SNAP91: variants seen among roughly 807,000 people sequenced by gnomAD.
SNAP91 encodes synaptosome associated protein 91.
A neutral mutation model predicts 100.3 loss-of-function variants in SNAP91; 27 were observed. The observed-to-expected ratio is 0.27, with a 90% CI of 0.20 to 0.37. The LOEUF (loss-of-function observed/expected upper bound fraction) is 0.37. SNAP91 is among the 10% of genes least tolerant of loss of function. The pLI is 1.00. For synonymous variants in SNAP91, 404 were observed against 398.6 expected (o/e 1.01, Z -0.16); for missense variants, 986 against 1,123.7 (o/e 0.88, Z 1.75).
At chr6:83,690,408 A>C (rs1470209546) in intron 2 of SNAP91, 1 of 1,288,646 alleles carries the variant, frequency 7.8e-7, no homozygotes, top group African/African-American at 1.5e-5. Flanking sequence ...CAAAATTAGG[A>C]AGCACTTGTT....
intron 26 of SNAP91, among the ~76,000 whole-genome samples, chr6:83,562,242 T>C (rs1789025136): frequency 6.6e-6 from 1 of 152,104 alleles, no homozygotes; most frequent in Non-Finnish European, 1.5e-5. Flanking sequence ...AAAAGAAAAC[T>C]ACAGCGCGAT....
At chr6:83,582,891 T>G (rs537060982) in intron 22 of SNAP91, among the ~76,000 whole-genome samples, 39 of 152,080 alleles carry the variant, frequency 2.6e-4, no homozygotes, top group Admixed American at 3.3e-4. Context: ...AGTCACGGAG[T>G]GGGATGGCAT....
At chr6:83,603,766 C>A (rs1423074038) in intron 14 of SNAP91, among the ~76,000 whole-genome samples, 1 of 152,150 alleles carries the variant, frequency 6.6e-6, no homozygotes, top group Non-Finnish European at 1.5e-5. Flanking sequence ...GCCCCCTTGC[C>A]CTGCCTTTGA....
At chr6:83,655,582 T>C (rs1485327102) in intron 7 of SNAP91, among the ~76,000 whole-genome samples, 12 of 152,218 alleles carry the variant, frequency 7.9e-5, no homozygotes, top group Admixed American at 7.9e-4. Flanking sequence ...TCAGTTTACC[T>C]TGGTTTATTT....
At chr6:83,556,039 A>G in intron 29 of SNAP91, 104 bp downstream of exon 29, 1 of 580,422 alleles carries the variant, frequency 1.7e-6, no homozygotes. Flanking sequence ...TATTACTATT[A>G]TACACAGCTA....
intron 16 of SNAP91, among the ~76,000 whole-genome samples, chr6:83,595,660 A>C (rs929896015): frequency 1.3e-5 from 2 of 152,044 alleles, no homozygotes; most frequent in Non-Finnish European, 2.9e-5. Flanking sequence ...ATCCCCAAAT[A>C]CTGTCTTCCG....
rs145671493 is a variant in SNAP91, at chr6:83,678,467, A to G, written c.131-12886T>C. On this transcript the variant is annotated intron_variant, in intron 2 of 29. Coordinates refer to ENST00000369694, the MANE Select transcript of SNAP91 (RefSeq NM_001242792.2). ...ACAGCGTTTCATAAATGGGACTCAAAAAGCAGACACAAGGCATCAGTTTTC... is the reference window on the plus strand; with the variant it reads ...ACAGCGTTTCATAAATGGGACTCAAGAAGCAGACACAAGGCATCAGTTTTC... Among the ~76,000 whole-genome samples the G allele has an allele frequency of 7.2e-3, 1,092 of 152,286 alleles. 8 individuals are homozygous for G. The highest frequency in any genetic ancestry group is 0.025 in the African/African-American group (1,033 of 41,554).
At position 83,593,673 on chromosome 6, in the gene SNAP91, G is replaced by A; in HGVS notation, c.1501C>T (p.Pro501Ser). 6.2e-7 allele frequency: 1 copy of A among 1,611,710 alleles called. No homozygotes were observed. Among genetic ancestry groups the A allele is most frequent in the Non-Finnish European group, 8.5e-7 (1 of 1,177,998 alleles). Residue 501 changes from proline to serine, a missense_variant, in exon 18 of 30, where the codon CCT (proline) becomes TCT (serine). By Grantham distance (74) the Pro-to-Ser change is moderately conservative. Around this residue, in one of 4 missense-constraint regions of SNAP91, gnomAD observed 575 missense variants for 579.9 expected, o/e 0.99. Transcript: ENST00000369694. ...GTAACTACAGGAACACTGGTCTCAGGTGGCTTCATTGCAAAGAGGTCCAGC... is the reference window on the plus strand; with the variant it reads ...GTAACTACAGGAACACTGGTCTCAGATGGCTTCATTGCAAAGAGGTCCAGC... ...PELDLFAMKPPETSVPVVTPT... is the reference protein window; with the variant it reads ...PELDLFAMKPSETSVPVVTPT...
chr6:83,665,318 CT>C, intron 3 of SNAP91, 120 bp downstream of exon 3: 1 of 951,868 alleles, frequency 1.1e-6, no homozygotes, highest in Non-Finnish European at 1.6e-6. Context: ...TGATCCGGAA[CT>C]GTGTATTTCC....
intron 1 of SNAP91, chr6:83,708,214 C>T (rs1201916934): frequency 7.6e-6 from 3 of 396,066 alleles, no homozygotes; most frequent in Non-Finnish European, 1.3e-5. Flanking sequence ...CATTCTCCCC[C>T]GGCCCCCACA....
At chr6:83,611,213 A>AT (rs1260664508) in intron 11 of SNAP91, among the ~76,000 whole-genome samples, 1 of 151,766 alleles carries the variant, frequency 6.6e-6, no homozygotes, top group African/African-American at 2.4e-5. Context: ...TTCCCCCCCC[A>AT]TGGCTGTAAT....
chr6:83,568,689 A>C (rs1178748545), intron 26 of SNAP91, among the ~76,000 whole-genome samples: 2 of 152,164 alleles, frequency 1.3e-5, no homozygotes, highest in Non-Finnish European at 2.9e-5. Flanking sequence ...TACACCTCTA[A>C]GAAGCAATTA....
chr6:83,618,773 C>A (rs1332884898), intron 9 of SNAP91, among the ~76,000 whole-genome samples: 6 of 151,140 alleles, frequency 4.0e-5, no homozygotes, highest in Admixed American at 3.9e-4. Context: ...TCATTGGGAT[C>A]GCAGTAAGGA....
chr6:83,672,180 G>C (rs1014225400), intron 2 of SNAP91, among the ~76,000 whole-genome samples: 13 of 151,994 alleles, frequency 8.6e-5, no homozygotes, highest in Admixed American at 8.5e-4. Flanking sequence ...TCATTGCCTA[G>C]AACGTCTCTG....
Position 83,556,179 on chromosome 6 carries a change from C to A in SNAP91, c.2698G>T (p.Asp900Tyr). ...KKPPAKDPLA[D>Y]LNIKDFL is the part of the protein sequence containing the mutation. ...TACAAGAAATCCTTGATGTTAAGAT[C>A]CGCTAATGGGTCCTTTGCTGGAGGT... The change falls in exon 29 of 30, where the codon GAT (aspartate) becomes TAT (tyrosine). Residue 900 changes from aspartate to tyrosine, a missense_variant. By Grantham distance (160) the Asp-to-Tyr change is radical. This residue lies in a region of SNAP91 where 71 missense variants were observed against 68.5 expected (regional missense o/e 1.04). Coordinates refer to ENST00000369694, the MANE Select transcript of SNAP91 (RefSeq NM_001242792.2). 6.4e-7 allele frequency: 1 copy of A among 1,570,824 alleles called. No homozygotes were observed. The highest frequency in any genetic ancestry group is 8.6e-7 in the Non-Finnish European group (1 of 1,157,472).
chr6:83,591,800 A>AC (rs1350157534), intron 21 of SNAP91, among the ~76,000 whole-genome samples: 2 of 152,210 alleles, frequency 1.3e-5, no homozygotes, highest in African/African-American at 2.4e-5. Context: ...CGCATCATGG[A>AC]ATGTCCATGA....
chr6:83,572,058 A>C (rs542381926), intron 26 of SNAP91, among the ~76,000 whole-genome samples: 2 of 152,218 alleles, frequency 1.3e-5, no homozygotes, highest in Non-Finnish European at 2.9e-5. Flanking sequence ...CCATGAGTCC[A>C]TTAAACCTCT....
intron 2 of SNAP91, among the ~76,000 whole-genome samples, chr6:83,685,181 C>G (rs142878345): frequency 6.6e-6 from 1 of 152,162 alleles, no homozygotes; most frequent in Admixed American, 6.5e-5. Context: ...CATGTTAACA[C>G]AGTTGCCAGG....
chr6:83,568,317 G>C (rs1800368241), intron 26 of SNAP91, among the ~76,000 whole-genome samples: 1 of 152,038 alleles, frequency 6.6e-6, no homozygotes, highest in Non-Finnish European at 1.5e-5. Flanking sequence ...GACACAGGAA[G>C]GGGAACATCA....
Sources: gnomAD v4.1 joint callset for allele counts (sites outside exome capture counted in the v4.1 genomes callset) on GRCh38, gnomAD v4.1.1 for gene constraint, gnomAD v4.1.1 regional missense constraint, MANE v1.5 for transcripts, NCBI Gene and HGNC (gene_info 2026-07-23, HGNC 2026-07-21) for gene names.